The following NRCAM variants were observed in gnomAD, a reference collection of about 807,000 sequenced individuals.
NRCAM encodes NgCAM-related cell adhesion molecule.
Under a neutral mutation model 156.5 loss-of-function variants are expected in NRCAM, and 83 were observed. That is an observed-to-expected ratio of 0.53 (90% CI 0.44 to 0.64). NRCAM has a LOEUF of 0.64. NRCAM is among the 30% of genes least tolerant of loss of function. NRCAM has a pLI of 0.00. For synonymous variants in NRCAM, 538 were observed against 563.9 expected (o/e 0.95, Z 0.65); for missense variants, 1,417 against 1,597.3 (o/e 0.89, Z 1.92).
intron 2 of NRCAM, among the ~76,000 whole-genome samples, chr7:108,356,706 A>T (rs2099501852): frequency 6.6e-6 from 1 of 152,216 alleles, no homozygotes; most frequent in African/African-American, 2.4e-5. Context: ...AAGCATACAC[A>T]ATGAATTAGA....
intron 13 of NRCAM, among the ~76,000 whole-genome samples, chr7:108,206,007 T>A (rs572765093): frequency 6.6e-6 from 1 of 152,340 alleles, no homozygotes; most frequent in South Asian, 2.1e-4. Flanking sequence ...TTTCTCTGGA[T>A]CCTGATCCTG....
intron 10 of NRCAM, among the ~76,000 whole-genome samples, chr7:108,224,836 A>G (rs2093164606): frequency 6.6e-6 from 1 of 152,048 alleles, no homozygotes; most frequent in Non-Finnish European, 1.5e-5. Flanking sequence ...TGGGGCCCAT[A>G]TTTTTCAGGA....
At chr7:108,437,346 G>A (rs963258801) in intron 1 of NRCAM, among the ~76,000 whole-genome samples, 11 of 152,012 alleles carry the variant, frequency 7.2e-5, no homozygotes, top group Middle Eastern at 3.4e-3. Context: ...TAGAAAGAAT[G>A]AATAAGACCT....
intron 3 of NRCAM, among the ~76,000 whole-genome samples, chr7:108,278,861 T>G (rs2097753307): frequency 6.6e-6 from 1 of 151,830 alleles, no homozygotes; most frequent in African/African-American, 2.4e-5. Flanking sequence ...TGCTGGGAGC[T>G]GTAGACCAGA....
At chr7:108,349,310 C>T (rs1425586835) in intron 2 of NRCAM, among the ~76,000 whole-genome samples, 1 of 151,782 alleles carries the variant, frequency 6.6e-6, no homozygotes, top group Admixed American at 6.6e-5. Flanking sequence ...ACTTTGTCAC[C>T]CAGGCTGGAG....
At chr7:108,229,565 G>C (rs2153723589) in intron 8 of NRCAM, among the ~76,000 whole-genome samples, 1 of 152,220 alleles carries the variant, frequency 6.6e-6, no homozygotes, top group South Asian at 2.1e-4. Flanking sequence ...GAGGGCTCCT[G>C]GTCTCAGTCT....
chr7:108,384,493 C>A (rs2099729370), intron 2 of NRCAM, among the ~76,000 whole-genome samples: 1 of 152,076 alleles, frequency 6.6e-6, no homozygotes, highest in Non-Finnish European at 1.5e-5. Flanking sequence ...AAAAAAAAAT[C>A]CATCAGTTCT....
At chr7:108,227,263 A>T (rs188208866) in intron 8 of NRCAM, among the ~76,000 whole-genome samples, 68 of 152,318 alleles carry the variant, frequency 4.5e-4, no homozygotes, top group African/African-American at 1.6e-3. Flanking sequence ...ATAATTTATT[A>T]GTACTTCCCC....
chr7:108,320,145 G>A (rs1385478627), intron 2 of NRCAM, among the ~76,000 whole-genome samples: 1 of 152,008 alleles, frequency 6.6e-6, no homozygotes, highest in African/African-American at 2.4e-5. Flanking sequence ...TAATTATTTG[G>A]TATTGATCAA....
intron 1 of NRCAM, among the ~76,000 whole-genome samples, chr7:108,422,597 T>C (rs1419134729): frequency 1.3e-5 from 2 of 152,156 alleles, no homozygotes; most frequent in Admixed American, 6.5e-5. Context: ...TACATAAAGA[T>C]ACATTTTAAA....
intron 3 of NRCAM, among the ~76,000 whole-genome samples, chr7:108,272,607 T>G (rs1050415088): frequency 1.1e-4 from 16 of 152,020 alleles, no homozygotes; most frequent in Non-Finnish European, 2.1e-4. Flanking sequence ...TATACATATT[T>G]TTATATATTT....
rs191935709 is a variant in NRCAM at position 108,191,150 on chromosome 7, T to G, written c.1933+104A>C. On this transcript the variant is annotated intron_variant, in intron 19 of 32. Coordinates refer to ENST00000379028, the MANE Select transcript of NRCAM (RefSeq NM_001037132.4). ...TAACAACTGACAGAGACCTTTTCCT[T>G]AAGAAACACAATTATGTGACATAGA... 4.4e-3 allele frequency: 4,092 copies of G among 931,746 alleles called. 80 individuals are homozygous for G. In the African/African-American group the frequency reaches 0.047, roughly 11 times the overall value. The allele number at this position is 931,746 out of a possible 1,614,324, so 57.7% of individuals were successfully genotyped here.
At chr7:108,268,830 C>T (rs1489065389) in intron 3 of NRCAM, among the ~76,000 whole-genome samples, 2 of 152,196 alleles carry the variant, frequency 1.3e-5, no homozygotes, top group Non-Finnish European at 2.9e-5. Flanking sequence ...TGGTTCAATA[C>T]CTGAAACAGT....
intron 1 of NRCAM, among the ~76,000 whole-genome samples, chr7:108,417,636 T>C (rs1803269173): frequency 6.6e-6 from 1 of 152,216 alleles, no homozygotes; most frequent in African/African-American, 2.4e-5. Flanking sequence ...GTTCATGTCA[T>C]AATGAGCTAT....
intron 2 of NRCAM, among the ~76,000 whole-genome samples, chr7:108,384,482 TA>T (rs539532081): frequency 4.0e-5 from 6 of 151,084 alleles, no homozygotes; most frequent in South Asian, 2.1e-4. Flanking sequence ...TGAAAGTAGC[TA>T]AAAAAAAATC....
intron 20 of NRCAM, among the ~76,000 whole-genome samples, chr7:108,187,964 A>G (rs1460801953): frequency 6.6e-6 from 1 of 152,124 alleles, no homozygotes; most frequent in Non-Finnish European, 1.5e-5. Flanking sequence ...CAAAAAAAAA[A>G]GAAGTGCAAG....
Position 108,361,439 on chromosome 7 carries a change from G to T in NRCAM, c.-174+37997C>A, listed in dbSNP as rs576418742. Among the ~76,000 whole-genome samples, 5 of 152,298 alleles carry T rather than the reference G, an allele frequency of 3.3e-5. No homozygotes were observed. In the South Asian group the frequency reaches 1.0e-3, roughly 32 times the overall value. On this transcript the variant is annotated intron_variant, in intron 2 of 32. Transcript: ENST00000379028. ...AAAGCCGATCGCCCTCCCTAATGTG[G>T]CAGGCTTCATCAATCAACTGAAGGC...
intron 1 of NRCAM, among the ~76,000 whole-genome samples, chr7:108,431,777 G>C (rs1237067326): frequency 6.6e-6 from 1 of 152,156 alleles, no homozygotes; most frequent in African/African-American, 2.4e-5. Context: ...AAAGCGAGAT[G>C]CTGTCTCAAA....
At chr7:108,396,940 A>C (rs559819271) in intron 2 of NRCAM, among the ~76,000 whole-genome samples, 2 of 152,324 alleles carry the variant, frequency 1.3e-5, no homozygotes, top group Non-Finnish European at 2.9e-5. Context: ...AAAATTTAAA[A>C]ATAACAAAGC....
Sources: gnomAD v4.1 joint callset for allele counts (sites outside exome capture counted in the v4.1 genomes callset) on GRCh38, gnomAD v4.1.1 for gene constraint, MANE v1.5 for transcripts, NCBI Gene and HGNC (gene_info 2026-07-23, HGNC 2026-07-21) for gene names.